THSD7B: variants seen among roughly 807,000 people sequenced by gnomAD.
THSD7B encodes thrombospondin type-1 domain-containing protein 7B.
In THSD7B, 138 loss-of-function variants were observed where a neutral mutation model predicts 213.6. That is an observed-to-expected ratio of 0.65 (90% CI 0.56 to 0.74). The LOEUF (loss-of-function observed/expected upper bound fraction) is 0.74, where lower values mean the gene tolerates loss of function less well. Ranked by LOEUF, THSD7B falls within the 30% of genes least tolerant of loss-of-function variation. THSD7B has a pLI of 0.00. For synonymous variants in THSD7B, 742 were observed against 687.0 expected (o/e 1.08, Z -1.25); for missense variants, 1,931 against 1,991.5 (o/e 0.97, Z 0.58).
At chr2:137,163,418 A>G (rs1680057289) in intron 6 of THSD7B, among the ~76,000 whole-genome samples, 1 of 152,166 alleles carries the variant, frequency 6.6e-6, no homozygotes, top group Admixed American at 6.5e-5. Context: ...GAAGAGGAAA[A>G]TTTGGGCATA....
chr2:137,307,513 A>C (rs947343785), intron 12 of THSD7B, among the ~76,000 whole-genome samples: 9 of 152,146 alleles, frequency 5.9e-5, no homozygotes, highest in Admixed American at 5.9e-4. Flanking sequence ...TACCTTCTGA[A>C]GACACACACA....
intron 5 of THSD7B, among the ~76,000 whole-genome samples, chr2:137,158,900 A>G (rs1679957997): frequency 6.6e-6 from 1 of 152,226 alleles, no homozygotes; most frequent in African/African-American, 2.4e-5. Context: ...AGTACAAACT[A>G]GTGTGTAAAA....
At position 136,795,525 on chromosome 2, in the gene THSD7B, G is replaced by A. The variant is rs531903501; in HGVS notation, c.-36+29838G>A. ...CATATCCACAGGTCTTGAGAATGACGACATGGACATCTTTGTGAGGGCCGT... is the reference window on the plus strand; with the variant it reads ...CATATCCACAGGTCTTGAGAATGACAACATGGACATCTTTGTGAGGGCCGT... On this transcript the variant is annotated intron_variant, in intron 1 of 27. Coordinates refer to ENST00000409968, the MANE Select transcript of THSD7B (RefSeq NM_001316349.2). Among the ~76,000 whole-genome samples the A allele has an allele frequency of 5.5e-4, 84 of 152,026 alleles. 1 individual carries two copies. Among genetic ancestry groups the A allele is most frequent in the African/African-American group, 2.0e-3 (82 of 41,486 alleles).
chr2:136,782,218 T>C (rs1681755271), intron 1 of THSD7B, among the ~76,000 whole-genome samples: 1 of 152,184 alleles, frequency 6.6e-6, no homozygotes, highest in African/African-American at 2.4e-5. Flanking sequence ...CTGCGATGTG[T>C]GCGGAAGTTG....
chr2:136,845,114 C>T (rs968525576), intron 1 of THSD7B, among the ~76,000 whole-genome samples: 1 of 152,166 alleles, frequency 6.6e-6, no homozygotes, highest in Middle Eastern at 3.2e-3. Context: ...TGCTTTGGAT[C>T]TGGGAGGGCC....
chr2:137,362,795 T>A (rs566664902), intron 12 of THSD7B, among the ~76,000 whole-genome samples: 4 of 152,246 alleles, frequency 2.6e-5, no homozygotes, highest in Admixed American at 2.0e-4. Context: ...TGGGAGACTT[T>A]AACACCCCAC....
intron 17 of THSD7B, among the ~76,000 whole-genome samples, chr2:137,597,087 T>A (rs1328224105): frequency 1.3e-5 from 2 of 152,128 alleles, no homozygotes; most frequent in Admixed American, 1.3e-4. Context: ...GGATATGAGA[T>A]AAATTTTGAA....
chr2:136,854,344 T>A (rs1383197966), intron 1 of THSD7B, among the ~76,000 whole-genome samples: 1 of 152,220 alleles, frequency 6.6e-6, no homozygotes, highest in Non-Finnish European at 1.5e-5. Context: ...TTCATTTTCA[T>A]CTTTTATTCA....
chr2:137,529,006 A>G (rs1055766608), intron 15 of THSD7B, among the ~76,000 whole-genome samples: 1 of 152,092 alleles, frequency 6.6e-6, no homozygotes. Flanking sequence ...CATACATGTA[A>G]TTATTTTCAC....
intron 17 of THSD7B, among the ~76,000 whole-genome samples, chr2:137,593,278 A>G (rs904048079): frequency 1.3e-5 from 2 of 151,944 alleles, no homozygotes; most frequent in African/African-American, 4.8e-5. Flanking sequence ...TCTCTTAAGC[A>G]CATATTTAGG....
intron 10 of THSD7B, among the ~76,000 whole-genome samples, chr2:137,258,257 T>C (rs1311353499): frequency 6.6e-6 from 1 of 152,214 alleles, no homozygotes; most frequent in African/African-American, 2.4e-5. Context: ...GATATAAAGA[T>C]ATTAGCCTAT....
intron 2 of THSD7B, among the ~76,000 whole-genome samples, chr2:136,921,216 A>G (rs1473269735): frequency 2.3e-5 from 3 of 130,076 alleles, no homozygotes; most frequent in Non-Finnish European, 3.2e-5. Context: ...TCATCTGGAC[A>G]CTCAAAAAAA....
chr2:136,778,472 CCT>C (rs1681655097), intron 1 of THSD7B, among the ~76,000 whole-genome samples: 1 of 152,156 alleles, frequency 6.6e-6, no homozygotes, highest in Non-Finnish European at 1.5e-5. Context: ...ACACTCTCCA[CCT>C]CATGGTAGAG....
In THSD7B at chr2:136,858,772, C is replaced by G. The variant is rs562246396; in HGVS notation, c.-35-23372C>G. On this transcript the variant is annotated intron_variant, in intron 1 of 27. Transcript: ENST00000409968. ...CCATTATCTGAATTGCTTTTACCAC[C>G]CAGTGTGAAAATGGAAAAAAACTTA... Among the ~76,000 whole-genome samples, 51 of 152,228 alleles carry G rather than the reference C, an allele frequency of 3.4e-4. No homozygotes were observed. The Middle Eastern group carries it at 0.01, about 30-fold the overall frequency.
intron 12 of THSD7B, among the ~76,000 whole-genome samples, chr2:137,381,339 C>T (rs538026466): frequency 5.9e-5 from 9 of 152,322 alleles, no homozygotes; most frequent in East Asian, 3.9e-4. Flanking sequence ...TTTTTGACCA[C>T]GCTATGAGAA....
At chr2:137,373,922 G>A (rs1309437260) in intron 12 of THSD7B, among the ~76,000 whole-genome samples, 2 of 152,194 alleles carry the variant, frequency 1.3e-5, no homozygotes, top group Admixed American at 6.5e-5. Flanking sequence ...CATATGGCTA[G>A]CCAGTTTTCC....
intron 19 of THSD7B, 29 bp from the exon 20 acceptor site, chr2:137,620,580 A>G (rs1443971079): frequency 2.6e-6 from 4 of 1,560,712 alleles, no homozygotes; most frequent in African/African-American, 1.4e-5. Context: ...GATTTCTCCA[A>G]TAAAGTTGTG....
At chr2:137,433,255 T>C (rs900128213) in intron 14 of THSD7B, among the ~76,000 whole-genome samples, 13 of 152,030 alleles carry the variant, frequency 8.6e-5, no homozygotes, top group African/African-American at 3.1e-4. Context: ...AAGTGAAGGA[T>C]AAGTAGTTGT....
chr2:137,026,185 A>C (rs2104847575), intron 2 of THSD7B, among the ~76,000 whole-genome samples: 1 of 152,304 alleles, frequency 6.6e-6, no homozygotes, highest in South Asian at 2.1e-4. Flanking sequence ...AGAAACACAC[A>C]CACTCAGCAG....
Sources: gnomAD v4.1 joint callset for allele counts (sites outside exome capture counted in the v4.1 genomes callset) on GRCh38, gnomAD v4.1.1 for gene constraint, MANE v1.5 for transcripts, NCBI Gene and HGNC (gene_info 2026-07-23, HGNC 2026-07-21) for gene names.